The following SNX13 variants were observed in gnomAD, a reference collection of about 807,000 sequenced individuals.
SNX13 encodes the protein sorting nexin 13.
SNX13 carries 45 observed loss-of-function variants against 133.6 expected under a neutral mutation model. The ratio of observed to expected loss-of-function variants is 0.34; its 90% CI spans 0.27 to 0.43. The LOEUF is 0.43. Among genes scored for constraint, SNX13 ranks in the 20% least tolerant of loss-of-function variants. The pLI is 1.00. For missense variants in SNX13, 1,032 were observed against 1,145.1 expected, an observed-to-expected ratio of 0.90 and a Z score of 1.43; for synonymous variants, 414 against 373.9, an observed-to-expected ratio of 1.11 and a Z score of -1.24.
intron 20 of SNX13, among the ~76,000 whole-genome samples, chr7:17,805,141 A>G (rs750551293): frequency 6.6e-6 from 1 of 151,932 alleles, no homozygotes; most frequent in Non-Finnish European, 1.5e-5. Context: ...TTTGAAAAAC[A>G]TGACCACTGG....
chr7:17,799,262 G>T, intron 22 of SNX13, 108 bp from the exon 23 acceptor site: 2 of 940,838 alleles, frequency 2.1e-6, no homozygotes, highest in Non-Finnish European at 3.0e-6. Context: ...CAGAGAACAA[G>T]TTACATTTTA....
intron 15 of SNX13, chr7:17,831,249 T>C: frequency 1.0e-6 from 1 of 983,308 alleles, no homozygotes; most frequent in South Asian, 4.7e-5. Context: ...GATGACTACC[T>C]ACAAATATTA....
At chr7:17,886,225 C>T (rs1330169533) in intron 5 of SNX13, among the ~76,000 whole-genome samples, 1 of 152,084 alleles carries the variant, frequency 6.6e-6, no homozygotes, top group African/African-American at 2.4e-5. Flanking sequence ...TCTATCCCTC[C>T]TCCCTCTACA....
rs140602174 is a variant in SNX13, at chr7:17,850,644, A to C, written c.976+182T>G. Among the ~76,000 whole-genome samples, 201 of 152,330 alleles carry C rather than the reference A, an allele frequency of 1.3e-3. 2 individuals are homozygous for C. Among genetic ancestry groups the C allele is most frequent in the African/African-American group, 4.6e-3 (190 of 41,580 alleles). On this transcript the variant is annotated intron_variant, in intron 10 of 25. Coordinates refer to ENST00000428135, the MANE Select transcript of SNX13 (RefSeq NM_015132.5). ...CACTTTAGGGATAATTACAATAATC[A>C]CATTCTCACATTCTGAAAATAATGC...
intron 1 of SNX13, among the ~76,000 whole-genome samples, chr7:17,927,959 C>T (rs1409952349): frequency 1.3e-5 from 2 of 152,122 alleles, no homozygotes; most frequent in Non-Finnish European, 2.9e-5. Context: ...ATAAAACAGG[C>T]CATATTCACA....
At chr7:17,824,533 T>C (rs1349994946) in intron 17 of SNX13, among the ~76,000 whole-genome samples, 1 of 152,072 alleles carries the variant, frequency 6.6e-6, no homozygotes, top group African/African-American at 2.4e-5. Context: ...ATTATTATTA[T>C]TATTATTACT....
At position 17,847,847 on chromosome 7, in the gene SNX13, A is replaced by G. The variant is rs952080401; in HGVS notation, c.1066-2153T>C. 1.2e-4 allele frequency among the ~76,000 whole-genome samples: 18 copies of G among 152,164 alleles called. No individual in the cohort carries two copies. The East Asian group carries it at 1.5e-3, about 13-fold the overall frequency. ...GTCCAATGGTCAATTCTCAGTCTTC[A>G]TCTTTCTCCACGTTATCCTTTGATA... On this transcript the variant is annotated intron_variant, in intron 11 of 25. Coordinates refer to ENST00000428135, the MANE Select transcript of SNX13 (RefSeq NM_015132.5).
At chr7:17,931,511 T>C (rs1384780741) in intron 1 of SNX13, among the ~76,000 whole-genome samples, 1 of 152,042 alleles carries the variant, frequency 6.6e-6, no homozygotes, top group South Asian at 2.1e-4. Flanking sequence ...ATAAAAGAAA[T>C]CACAAAACAA....
intron 9 of SNX13, among the ~76,000 whole-genome samples, chr7:17,857,326 T>C (rs943980432): frequency 1.1e-4 from 17 of 152,172 alleles, no homozygotes; most frequent in African/African-American, 3.6e-4. Context: ...GGAACTAATA[T>C]TGATTCTATT....
chr7:17,913,435 C>T (rs965167265), intron 1 of SNX13, among the ~76,000 whole-genome samples: 1 of 152,152 alleles, frequency 6.6e-6, no homozygotes, highest in Non-Finnish European at 1.5e-5. Context: ...TTTCAGGCTT[C>T]TCCACCGCCT....
At chr7:17,933,411 C>T (rs755426597) in intron 1 of SNX13, among the ~76,000 whole-genome samples, 18 of 152,094 alleles carry the variant, frequency 1.2e-4, no homozygotes, top group African/African-American at 1.7e-4. Context: ...GGCGTGCTGG[C>T]ACGCGCCTGT....
At chr7:17,899,403 C>A (rs895975494) in intron 1 of SNX13, 1 of 152,100 alleles carries the variant, frequency 6.6e-6, no homozygotes, top group African/African-American at 2.4e-5. Context: ...ATTTTCTACG[C>A]CTAACTCTCT....
At chr7:17,916,326 T>C (rs973146017) in intron 1 of SNX13, among the ~76,000 whole-genome samples, 1 of 152,000 alleles carries the variant, frequency 6.6e-6, no homozygotes, top group Non-Finnish European at 1.5e-5. Flanking sequence ...CAAAACTCAA[T>C]GAAATTGAAA....
chr7:17,902,773 G>A (rs1227539203), intron 1 of SNX13, among the ~76,000 whole-genome samples: 1 of 152,158 alleles, frequency 6.6e-6, no homozygotes, highest in Admixed American at 6.5e-5. Flanking sequence ...CAGACCATTA[G>A]GAACTGGGCC....
intron 1 of SNX13, among the ~76,000 whole-genome samples, chr7:17,927,209 TAATA>T (rs1562536167): frequency 6.7e-6 from 1 of 149,782 alleles, no homozygotes. Flanking sequence ...TGTGTATATA[TAATA>T]TATATGTGTG....
intron 9 of SNX13, among the ~76,000 whole-genome samples, chr7:17,864,386 T>G (rs1457593137): frequency 6.6e-6 from 1 of 152,138 alleles, no homozygotes; most frequent in African/African-American, 2.4e-5. Flanking sequence ...ACTGAAAAAT[T>G]AATCAGAGTA....
chr7:17,861,259 C>T (rs895610252), intron 9 of SNX13, among the ~76,000 whole-genome samples: 8 of 151,958 alleles, frequency 5.3e-5, no homozygotes, highest in South Asian at 2.1e-4. Context: ...CCTTTCACCC[C>T]GCCCCTGCCA....
At chr7:17,921,261 A>G (rs974785971) in intron 1 of SNX13, among the ~76,000 whole-genome samples, 15 of 152,206 alleles carry the variant, frequency 9.9e-5, no homozygotes, top group African/African-American at 3.6e-4. Flanking sequence ...CTCTAGACTA[A>G]TAATGAACCC....
At chr7:17,829,519 T>A (rs949716732) in intron 16 of SNX13, among the ~76,000 whole-genome samples, 19 of 151,264 alleles carry the variant, frequency 1.3e-4, no homozygotes, top group Non-Finnish European at 2.1e-4. Flanking sequence ...CAAAAAAAAA[T>A]TTTTTGTTTA....
Sources: gnomAD v4.1 joint callset for allele counts (sites outside exome capture counted in the v4.1 genomes callset) on GRCh38, gnomAD v4.1.1 for gene constraint, MANE v1.5 for transcripts, NCBI Gene and HGNC (gene_info 2026-07-23, HGNC 2026-07-21) for gene names.